CRYBG3: variants seen among roughly 807,000 people sequenced by gnomAD.
CRYBG3 encodes very large A-kinase anchor protein.
Under a neutral mutation model 244.2 loss-of-function variants are expected in CRYBG3, and 127 were observed. That is an observed-to-expected ratio of 0.52 (90% CI 0.45 to 0.60). The LOEUF is 0.60. CRYBG3 is among the 20% of genes least tolerant of loss of function. The pLI is 0.00. For synonymous variants in CRYBG3, 1,132 were observed against 1,195.8 expected, an observed-to-expected ratio of 0.95 and a Z score of 1.10; for missense variants, 3,325 against 3,442.5, an observed-to-expected ratio of 0.97 and a Z score of 0.85.
At position 97,874,251 on chromosome 3, in the gene CRYBG3, T is replaced by A; in HGVS notation, c.3057T>A (p.Asn1019Lys). Residue 1019 changes from asparagine to lysine, a missense_variant, in exon 4 of 22, where the codon AAT becomes AAA. Physicochemically the swap from Asn to Lys is moderately conservative, Grantham distance 94. Coordinates refer to ENST00000389622, the MANE Select transcript of CRYBG3 (RefSeq NM_153605.4). ...ATTCTGATTCCAGTTTGGAAAAAAA[T>A]TCTTCTGCATCTGAGGACTCAAGCT... is the stretch of plus-strand genomic sequence containing the variant. ...FLDSDSSLEKNSSASEDSSFL... is the reference protein window; with the variant it reads ...FLDSDSSLEKKSSASEDSSFL... 6.5e-7 allele frequency: 1 copy of A among 1,535,186 alleles called. No individual in the cohort carries two copies. The highest frequency in any genetic ancestry group is 1.4e-5 in the African/African-American group (1 of 73,100).
rs1006353227 is a variant in CRYBG3, at chr3:97,879,714, A to G, written c.6854A>G (p.Lys2285Arg). The change falls in exon 5 of 22, where the codon AAA becomes AGA. Residue 2285 changes from lysine to arginine, a missense_variant. Lys to Arg is a conservative substitution (Grantham distance 26). Transcript: ENST00000389622. The stretch of plus-strand genomic sequence containing the variant: ...CTTTTATTATTTCAGAATGTTGACA[A>G]ACAAACTCTGAGATGTAACCCAAGA... ...RLSPFIENVD[K>R]QTLRCNPRPG... 1.2e-6 allele frequency: 2 copies of G among 1,603,496 alleles called. No individual in the cohort carries two copies. Among genetic ancestry groups the G allele is most frequent in the South Asian group, 1.1e-5 (1 of 88,224 alleles).
intron 17 of CRYBG3, among the ~76,000 whole-genome samples, chr3:97,931,325 G>A (rs562552464): frequency 2.6e-5 from 4 of 152,252 alleles, no homozygotes; most frequent in African/African-American, 9.6e-5. Context: ...CATGGGGCAA[G>A]TCTTCCTTAT....
intron 17 of CRYBG3, chr3:97,924,086 C>T (rs1382499128): frequency 8.6e-6 from 2 of 233,624 alleles, no homozygotes; most frequent in Non-Finnish European, 1.7e-5. Context: ...GGAATCAGTA[C>T]AAGGAGAGAC....
intron 21 of CRYBG3, 83 bp downstream of exon 21, chr3:97,942,526 CT>C: frequency 8.2e-7 from 1 of 1,215,260 alleles, no homozygotes; most frequent in Non-Finnish European, 1.1e-6. Flanking sequence ...AAAGGACATC[CT>C]TATGTATAAG....
At chr3:97,920,238 A>G (rs561134298) in intron 17 of CRYBG3, among the ~76,000 whole-genome samples, 13 of 152,282 alleles carry the variant, frequency 8.5e-5, no homozygotes, top group African/African-American at 3.1e-4. Flanking sequence ...AAACTCATCA[A>G]ATCTAAGTGT....
At chr3:97,898,450 G>A (rs1481047364) in intron 12 of CRYBG3, among the ~76,000 whole-genome samples, 2 of 151,906 alleles carry the variant, frequency 1.3e-5, no homozygotes, top group African/African-American at 4.8e-5. Flanking sequence ...ATTTTAATGA[G>A]CATTTTTTGT....
At chr3:97,828,260 T>C (rs1021447432) in intron 1 of CRYBG3, among the ~76,000 whole-genome samples, 4 of 152,178 alleles carry the variant, frequency 2.6e-5, no homozygotes, top group Admixed American at 2.0e-4. Flanking sequence ...CTATCAATAT[T>C]GCAGATTCAC....
chr3:97,907,639 TTTTC>T (rs2039794223), intron 15 of CRYBG3, among the ~76,000 whole-genome samples: 2 of 149,024 alleles, frequency 1.3e-5, no homozygotes, highest in Admixed American at 6.7e-5. Flanking sequence ...TTCTCTCTTT[TTTTC>T]TTTATTAGTC....
intron 15 of CRYBG3, among the ~76,000 whole-genome samples, chr3:97,905,576 CT>C (rs1452919658): frequency 6.6e-6 from 1 of 152,104 alleles, no homozygotes; most frequent in African/African-American, 2.4e-5. Flanking sequence ...CCTTTGCCCA[CT>C]TTTTGATGGG....
chr3:97,855,818 A>C (rs1344549794), intron 2 of CRYBG3, among the ~76,000 whole-genome samples: 1 of 152,132 alleles, frequency 6.6e-6, no homozygotes, highest in Non-Finnish European at 1.5e-5. Flanking sequence ...TGGGTCACAG[A>C]CATTAAGTAC....
intron 10 of CRYBG3, among the ~76,000 whole-genome samples, chr3:97,891,613 C>A (rs556759220): frequency 6.6e-6 from 1 of 152,102 alleles, no homozygotes; most frequent in Admixed American, 6.6e-5. Flanking sequence ...GAGGGTCTTG[C>A]AAATTAACTA....
chr3:97,860,559 T>C (rs1328779832), intron 2 of CRYBG3, among the ~76,000 whole-genome samples: 2 of 152,112 alleles, frequency 1.3e-5, no homozygotes, highest in Non-Finnish European at 2.9e-5. Context: ...ATGAATATTG[T>C]AAGTAGAGAG....
At position 97,880,126 on chromosome 3, in the gene CRYBG3, G is replaced by A. The variant is rs558419424; in HGVS notation, c.7004+26G>A. Reference sequence around the variant, plus strand: ...GTAAGAAGTTTCTTAAAATTTTATAGCATATTTTCTTAAATTAAATGTGTC... The same window carrying A: ...GTAAGAAGTTTCTTAAAATTTTATAACATATTTTCTTAAATTAAATGTGTC... On this transcript the variant is annotated intron_variant, in intron 6 of 21. Transcript: ENST00000389622. 125 of 1,206,986 alleles carry A rather than the reference G, an allele frequency of 1.0e-4. 1 individual carries two copies. In the East Asian group the frequency reaches 2.9e-3, roughly 28 times the overall value. 74.8% of individuals were successfully genotyped at this position (1,206,986 alleles called of 1,614,324 possible). A position where few individuals can be genotyped will look rare whatever the true frequency, so the allele number is the denominator to read the frequency against.
Position 97,872,138 on chromosome 3 carries a change from A to G in CRYBG3, c.944A>G (p.Asn315Ser), listed in dbSNP as rs1319331504. 5 of 1,535,924 alleles carry G rather than the reference A, an allele frequency of 3.3e-6. No homozygotes were observed. In the East Asian group the frequency reaches 9.8e-5, roughly 30 times the overall value. Residue 315 changes from asparagine (N) to serine (S), a missense_variant, in exon 4 of 22, where the codon AAT (asparagine) becomes AGT (serine). Coordinates refer to ENST00000389622, the MANE Select transcript of CRYBG3 (RefSeq NM_153605.4). ...AGCAAAACAAGTTTCAACAAGGAAA[A>G]TTCTTTGACAAATAACCCAGAACTG... ...DCSKTSFNKENSLTNNPELQN... is the reference protein window; with the variant it reads ...DCSKTSFNKESSLTNNPELQN...
chr3:97,941,029 G>A, intron 19 of CRYBG3, 119 bp from the exon 20 acceptor site: 2 of 757,352 alleles, frequency 2.6e-6, no homozygotes, highest in Non-Finnish European at 4.3e-6. Context: ...GGGAATAAGA[G>A]TGAAACTGAT....
intron 19 of CRYBG3, 107 bp downstream of exon 19, chr3:97,937,015 C>G (rs2040172559): frequency 8.1e-7 from 1 of 1,241,156 alleles, no homozygotes; most frequent in Admixed American, 2.2e-5. Flanking sequence ...TTGCCATTTA[C>G]ATAGTAGGGG....
chr3:97,880,646 T>G (rs2039434053), intron 6 of CRYBG3, among the ~76,000 whole-genome samples: 1 of 152,238 alleles, frequency 6.6e-6, no homozygotes, highest in Non-Finnish European at 1.5e-5. Context: ...ATTCATGTCT[T>G]AAATCATATG....
chr3:97,839,447 G>A (rs1166713689), intron 1 of CRYBG3, among the ~76,000 whole-genome samples: 2 of 151,946 alleles, frequency 1.3e-5, no homozygotes, highest in Non-Finnish European at 2.9e-5. Context: ...TTCTTGTTGA[G>A]TAATTTTTTC....
At chr3:97,928,394 G>C (rs1398587863) in intron 17 of CRYBG3, among the ~76,000 whole-genome samples, 1 of 152,112 alleles carries the variant, frequency 6.6e-6, no homozygotes, top group East Asian at 1.9e-4. Flanking sequence ...ATAAACACCA[G>C]GGCCTGCTTG....
Sources: gnomAD v4.1 joint callset for allele counts (sites outside exome capture counted in the v4.1 genomes callset) on GRCh38, gnomAD v4.1.1 for gene constraint, MANE v1.5 for transcripts, NCBI Gene and HGNC (gene_info 2026-07-23, HGNC 2026-07-21) for gene names.